The following CHN2 variants were observed in gnomAD, a reference collection of about 807,000 sequenced individuals.
The protein encoded by CHN2 is beta-chimaerin.
In CHN2, 35 loss-of-function variants were observed where a neutral mutation model predicts 56.3. The ratio of observed to expected loss-of-function variants is 0.62; its 90% CI spans 0.47 to 0.82. CHN2 has a LOEUF of 0.82. CHN2 is among the 40% of genes least tolerant of loss of function. CHN2 has a pLI of 0.00. For synonymous variants in CHN2, 210 were observed against 212.8 expected (o/e 0.99, Z 0.12); for missense variants, 491 against 580.5 (o/e 0.85, Z 1.58).
chr7:29,289,792 A>G (rs973133848), intron 1 of CHN2, among the ~76,000 whole-genome samples: 1 of 152,214 alleles, frequency 6.6e-6, no homozygotes. Flanking sequence ...GGCTACTTAC[A>G]TATGCATTTA....
intron 1 of CHN2, among the ~76,000 whole-genome samples, chr7:29,263,866 G>C (rs542234038): frequency 1.3e-5 from 2 of 149,458 alleles, no homozygotes; most frequent in Admixed American, 6.6e-5. Context: ...CCCTCCGCCC[G>C]GCAGCCGCCC....
chr7:29,265,629 A>T (rs1790077940), intron 1 of CHN2, among the ~76,000 whole-genome samples: 1 of 152,188 alleles, frequency 6.6e-6, no homozygotes, highest in African/African-American at 2.4e-5. Flanking sequence ...AAAGTTCTTT[A>T]CTTTCTTGGA....
At chr7:29,275,246 T>G (rs1471853898) in intron 1 of CHN2, among the ~76,000 whole-genome samples, 5 of 152,220 alleles carry the variant, frequency 3.3e-5, no homozygotes, top group Non-Finnish European at 5.9e-5. Context: ...AAAATAGATA[T>G]CAGACATTAT....
At chr7:29,452,884 CA>C (rs1784500173) in intron 6 of CHN2, among the ~76,000 whole-genome samples, 1 of 152,228 alleles carries the variant, frequency 6.6e-6, no homozygotes, top group African/African-American at 2.4e-5. Context: ...ATCCCGACTC[CA>C]CTGCTTCTTC....
chr7:29,500,103 G>A (rs2287042), intron 9 of CHN2, 63 bp downstream of exon 9: 14 of 1,302,606 alleles, frequency 1.1e-5, no homozygotes, highest in Non-Finnish European at 1.4e-5. Context: ...TGTTTTTACT[G>A]TTGTCAAGGA....
At chr7:29,290,058 C>T (rs1792472788) in intron 1 of CHN2, among the ~76,000 whole-genome samples, 1 of 152,226 alleles carries the variant, frequency 6.6e-6, no homozygotes. Context: ...GAATTTGGAT[C>T]TTTAGGGACT....
chr7:29,261,347 C>G (rs1345567644), intron 1 of CHN2, among the ~76,000 whole-genome samples: 2 of 152,084 alleles, frequency 1.3e-5, no homozygotes, highest in Non-Finnish European at 2.9e-5. Flanking sequence ...TCTGCTAGTA[C>G]CTTCCACTTC....
chr7:29,415,521 G>T (rs1803649523), intron 6 of CHN2, among the ~76,000 whole-genome samples: 1 of 152,196 alleles, frequency 6.6e-6, no homozygotes, highest in Non-Finnish European at 1.5e-5. Context: ...AACAAAACAG[G>T]CCATGCCTGG....
chr7:29,370,403 A>G (rs1283344694), intron 3 of CHN2, among the ~76,000 whole-genome samples: 1 of 152,182 alleles, frequency 6.6e-6, no homozygotes, highest in African/African-American at 2.4e-5. Context: ...ACATATTTAC[A>G]TAAAGCAGTA....
intron 1 of CHN2, among the ~76,000 whole-genome samples, chr7:29,232,888 T>C (rs1786832769): frequency 6.6e-6 from 1 of 152,232 alleles, no homozygotes; most frequent in African/African-American, 2.4e-5. Context: ...ATCCATTGAT[T>C]ATTTTTATTG....
intron 6 of CHN2, among the ~76,000 whole-genome samples, chr7:29,404,856 C>T (rs1802502147): frequency 6.6e-6 from 1 of 151,986 alleles, no homozygotes; most frequent in African/African-American, 2.4e-5. Flanking sequence ...CGAGCCACCG[C>T]ATCCAGCCAA....
At chr7:29,345,636 A>G (rs531188509) in intron 1 of CHN2, among the ~76,000 whole-genome samples, 49 of 152,276 alleles carry the variant, frequency 3.2e-4, no homozygotes, top group African/African-American at 1.1e-3. Flanking sequence ...ACCGGGGGCC[A>G]GATCGTGCAG....
At chr7:29,223,549 T>G (rs1013288490) in intron 1 of CHN2, among the ~76,000 whole-genome samples, 10 of 152,162 alleles carry the variant, frequency 6.6e-5, no homozygotes, top group African/African-American at 2.4e-4. Flanking sequence ...TTGGGTTATT[T>G]TACTCAACAT....
chr7:29,189,139 C>T (rs545325798), intron 2 of CHN2, among the ~76,000 whole-genome samples: 2 of 151,886 alleles, frequency 1.3e-5, no homozygotes, highest in South Asian at 2.1e-4. Flanking sequence ...TTAGTAGAGA[C>T]GGGGTTTCAC....
At chr7:29,206,229 G>T (rs1784507657) in intron 1 of CHN2, among the ~76,000 whole-genome samples, 1 of 152,004 alleles carries the variant, frequency 6.6e-6, no homozygotes. Flanking sequence ...AATCAGTTCT[G>T]CAAGGACCCT....
chr7:29,496,474 G>A (rs1346668152), intron 8 of CHN2, among the ~76,000 whole-genome samples: 2 of 151,306 alleles, frequency 1.3e-5, no homozygotes, highest in East Asian at 1.9e-4. Flanking sequence ...CATGTCATTA[G>A]CCTCACCAAC....
intron 2 of CHN2, among the ~76,000 whole-genome samples, chr7:29,160,320 C>G (rs1240476869): frequency 3.3e-5 from 5 of 152,176 alleles, no homozygotes; most frequent in African/African-American, 9.7e-5. Context: ...TTATCTGATT[C>G]CCTGATGTTC....
At chr7:29,354,228 C>G (rs1035012110) in intron 1 of CHN2, among the ~76,000 whole-genome samples, 1 of 152,210 alleles carries the variant, frequency 6.6e-6, no homozygotes, top group Non-Finnish European at 1.5e-5. Context: ...GTCTTGCCCT[C>G]AAGTCTTCAT....
intron 1 of CHN2, among the ~76,000 whole-genome samples, chr7:29,352,131 T>C (rs1797928202): frequency 6.6e-6 from 1 of 152,194 alleles, no homozygotes; most frequent in South Asian, 2.1e-4. Context: ...GTGGAGCATC[T>C]GGACTATACT....
Sources: gnomAD v4.1 joint callset for allele counts (sites outside exome capture counted in the v4.1 genomes callset) on GRCh38, gnomAD v4.1.1 for gene constraint, MANE v1.5 for transcripts, NCBI Gene and HGNC (gene_info 2026-07-23, HGNC 2026-07-21) for gene names.